AGXT2: variants seen among roughly 807,000 people sequenced by gnomAD.
The protein encoded by AGXT2 is alanine--glyoxylate aminotransferase 2, mitochondrial.
In AGXT2, 61 loss-of-function variants were observed where a neutral mutation model predicts 62.5. That is an observed-to-expected ratio of 0.98 (90% CI 0.79 to 1.21). AGXT2 has a LOEUF of 1.21. Ranked by LOEUF, AGXT2 falls within the 50% of genes most tolerant of loss-of-function variation. AGXT2 has a pLI of 0.00. For missense variants in AGXT2, 666 were observed against 641.5 expected, an observed-to-expected ratio of 1.04 and a Z score of -0.41; for synonymous variants, 243 against 218.7, an observed-to-expected ratio of 1.11 and a Z score of -0.98.
In AGXT2 at chr5:35,003,616, CAT is replaced by C. The variant is rs990078712; in HGVS notation, c.1437+145_1437+146del. The stretch of plus-strand genomic sequence containing the variant: ...GTACCCGAGCTTCATCCCTAGATGA[CAT>C]GTGGCTGGGTACCTCGGCACAGTTG... On this transcript the variant is annotated intron_variant, in intron 13 of 13. Transcript: ENST00000231420. The C allele has an allele frequency of 9.3e-6, 7 of 753,324 alleles. No homozygotes were observed. The African/African-American group carries it at 1.2e-4, about 13-fold the overall frequency. The allele number at this position is 753,324 out of a possible 1,614,324, so 46.7% of individuals were successfully genotyped here.
Position 35,025,867 on chromosome 5 carries a change from C to G in AGXT2, c.871-12G>C, listed in dbSNP as rs759245348. 6.2e-7 allele frequency: 1 copy of G among 1,612,726 alleles called. No homozygotes were observed. Among genetic ancestry groups the G allele is most frequent in the Non-Finnish European group, 8.5e-7 (1 of 1,178,750 alleles). ...ACTCCATTCACACCCTGCAAAAGAC[C>G]AGACCAAGAAGACCTATAATAATAG... On this transcript the variant is annotated splice_polypyrimidine_tract_variant and intron_variant, in intron 8 of 13. Transcript: ENST00000231420.
chr5:35,025,643 A>C, intron 9 of AGXT2, 120 bp downstream of exon 9: 2 of 1,018,538 alleles, frequency 2.0e-6, no homozygotes, highest in Non-Finnish European at 3.0e-6. Flanking sequence ...ATTTGTAGGC[A>C]AACTTTGGAA....
intron 5 of AGXT2, among the ~76,000 whole-genome samples, chr5:35,034,846 T>A (rs1288381930): frequency 6.6e-6 from 1 of 152,166 alleles, no homozygotes; most frequent in Non-Finnish European, 1.5e-5. Flanking sequence ...TAGGCCGGTA[T>A]TTTTTGGTAG....
Position 35,032,802 on chromosome 5 carries a change from A to G in AGXT2, c.699T>C (p.Arg233=), listed in dbSNP as rs901853479. The change falls in exon 7 of 14, where the codon CGT becomes CGC. Residue 233 remains arginine (R), a synonymous_variant. Coordinates refer to ENST00000231420, the MANE Select transcript of AGXT2 (RefSeq NM_031900.4). Reference sequence around the variant, plus strand: ...GACAGTGGCTTCCTCCCCAAGGGCCACGAAAAACATCTGGACACATTGTCT... The same window carrying G: ...GACAGTGGCTTCCTCCCCAAGGGCCGCGAAAAACATCTGGACACATTGTCT... The part of the protein sequence containing the change: ...CQPTMCPDVF[R]GPWGGSHCRD... 1.2e-6 allele frequency: 2 copies of G among 1,607,128 alleles called. No individual in the cohort carries two copies. The highest frequency in any genetic ancestry group is 3.4e-5 in the Admixed American group (2 of 59,242).
At chr5:35,029,754 G>T (rs1289697557) in intron 7 of AGXT2, among the ~76,000 whole-genome samples, 1 of 152,206 alleles carries the variant, frequency 6.6e-6, no homozygotes, top group Non-Finnish European at 1.5e-5. Flanking sequence ...CATTGTGGGG[G>T]CAGTAGGTGA....
At chr5:35,025,899 C>G in intron 8 of AGXT2, 44 bp from the exon 9 acceptor site, 1 of 1,546,654 alleles carries the variant, frequency 6.5e-7, no homozygotes, top group Non-Finnish European at 8.9e-7. Context: ...ATAGCATCAG[C>G]CCTTTCAAAG....
rs1196182862 is a variant in AGXT2 at position 35,021,678 on chromosome 5, C to G, written c.963+4085G>C. On this transcript the variant is annotated intron_variant, in intron 9 of 13. Coordinates refer to ENST00000231420, the MANE Select transcript of AGXT2 (RefSeq NM_031900.4). ...ACAGGCATGGGCAAGGACTTCATGTCTAAAACGCCAAAAGCAATGGCAACA... is the reference window on the plus strand; with the variant it reads ...ACAGGCATGGGCAAGGACTTCATGTGTAAAACGCCAAAAGCAATGGCAACA... 4.6e-5 allele frequency among the ~76,000 whole-genome samples: 7 copies of G among 152,278 alleles called. No individual in the cohort carries two copies. The East Asian group carries it at 1.4e-3, about 29-fold the overall frequency.
At chr5:35,013,714 C>T (rs959150814) in intron 10 of AGXT2, among the ~76,000 whole-genome samples, 1 of 146,770 alleles carries the variant, frequency 6.8e-6, no homozygotes, top group Admixed American at 7.0e-5. Flanking sequence ...CCTGCGGAGG[C>T]AGAGGGTGCA....
At position 34,998,241 on chromosome 5, in the gene AGXT2, TCCTCATGA is replaced by T. The variant is rs1332806284; in HGVS notation, c.*470_*477del. 1 of 184,768 alleles carries T rather than the reference TCCTCATGA, an allele frequency of 5.4e-6. No individual in the cohort carries two copies. The highest frequency in any genetic ancestry group is 2.4e-5 in the African/African-American group (1 of 42,048). 11.4% of individuals were successfully genotyped at this position (184,768 alleles called of 1,614,324 possible). On this transcript the variant is annotated 3_prime_UTR_variant, in exon 14 of 14. Transcript: ENST00000231420. ...CTTCCAACCTCACCAAAAAGGGTTG[TCCTCATGA>T]CTACAAGCCGGCTGACATGGTGCCA...
chr5:35,006,676 C>G (rs2112176555), intron 12 of AGXT2, among the ~76,000 whole-genome samples: 1 of 152,320 alleles, frequency 6.6e-6, no homozygotes, highest in East Asian at 1.9e-4. Context: ...GACAAACATT[C>G]AAACCATGTC....
chr5:35,047,855 C>T lies in AGXT2; in HGVS notation c.38G>A (p.Cys13Tyr). 6.2e-7 allele frequency: 1 copy of T among 1,614,092 alleles called. No homozygotes were observed. Among genetic ancestry groups the T allele is most frequent in the Non-Finnish European group, 8.5e-7 (1 of 1,180,004 alleles). Residue 13 changes from cysteine (C) to tyrosine (Y), a missense_variant, in exon 1 of 14, where the codon TGC (cysteine) becomes TAC (tyrosine). By Grantham distance (194) the Cys-to-Tyr change is radical. Coordinates refer to ENST00000231420, the MANE Select transcript of AGXT2 (RefSeq NM_031900.4). ...LIWRHLLRPL[C>Y]LVTSAPRILE... Reference sequence around the variant, plus strand: ...GATCCTGGGAGCGGAAGTGACCAGGCACAAGGGTCTCAGCAAATGTCTCCA... The same window carrying T: ...GATCCTGGGAGCGGAAGTGACCAGGTACAAGGGTCTCAGCAAATGTCTCCA...
chr5:35,033,893 C>T lies in AGXT2; in HGVS notation c.582-340G>A, dbSNP rs147984178. ...TGTATGTTCAATGAATACCAGTCTT[C>T]GAAGTAGTCGCTTTGGGAAGCCAAA... On this transcript the variant is annotated intron_variant, in intron 5 of 13. Coordinates refer to ENST00000231420, the MANE Select transcript of AGXT2 (RefSeq NM_031900.4). Among the ~76,000 whole-genome samples, 60 of 152,182 alleles carry T rather than the reference C, an allele frequency of 3.9e-4. No individual in the cohort carries two copies. In the East Asian group the frequency reaches 0.011, roughly 29 times the overall value.
In AGXT2 at chr5:35,040,773, TA is replaced by T. The variant is rs373088817; in HGVS notation, c.89-111del. The T allele has an allele frequency of 2.6e-5, 23 of 871,332 alleles. No individual in the cohort carries two copies. In the East Asian group the frequency reaches 3.2e-4, roughly 12 times the overall value. 54.0% of individuals were successfully genotyped at this position (871,332 alleles called of 1,614,324 possible). On this transcript the variant is annotated intron_variant, in intron 1 of 13. Coordinates refer to ENST00000231420, the MANE Select transcript of AGXT2 (RefSeq NM_031900.4). ...TGCTTAGATAATTTTATTTCTTAGT[TA>T]AAAAATCATGCTAATCAGCTTTTAG...
chr5:35,007,097 G>C (rs1162990602), intron 12 of AGXT2, among the ~76,000 whole-genome samples: 1 of 152,100 alleles, frequency 6.6e-6, no homozygotes, highest in East Asian at 1.9e-4. Context: ...AGGTGATTAG[G>C]TTACAAGAGT....
chr5:35,018,555 A>C (rs1766940993), intron 9 of AGXT2, among the ~76,000 whole-genome samples: 1 of 152,136 alleles, frequency 6.6e-6, no homozygotes. Flanking sequence ...GCCTGCCCTA[A>C]AAGAGCTCCT....
At chr5:35,000,420 G>T (rs163838) in intron 13 of AGXT2, among the ~76,000 whole-genome samples, 1 of 151,802 alleles carries the variant, frequency 6.6e-6, no homozygotes, top group Non-Finnish European at 1.5e-5. Context: ...TCACTCTGTC[G>T]CTCAGGCTGG....
At chr5:35,025,645 A>G in intron 9 of AGXT2, 118 bp downstream of exon 9, 2 of 1,030,834 alleles carry the variant, frequency 1.9e-6, no homozygotes, top group South Asian at 2.7e-5. Flanking sequence ...TTGTAGGCAA[A>G]CTTTGGAATT....
rs1325596768 is a variant in AGXT2, at chr5:35,003,547, C to T, written c.1437+216G>A. Among the ~76,000 whole-genome samples, 3 of 151,930 alleles carry T rather than the reference C, an allele frequency of 2.0e-5. No homozygotes were observed. In the East Asian group the frequency reaches 5.8e-4, roughly 29 times the overall value. ...ACCAAACCATTTTCACTCAGCGCCC[C>T]CTAGTGGCCTGAGAGCTGCACTGTC... On this transcript the variant is annotated intron_variant, in intron 13 of 13. Transcript: ENST00000231420.
chr5:35,003,611 G>T, intron 13 of AGXT2, 152 bp downstream of exon 13: 1 of 725,704 alleles, frequency 1.4e-6, no homozygotes, highest in Non-Finnish European at 2.4e-6. Context: ...TTCATCCCTA[G>T]ATGACATGTG....
Sources: gnomAD v4.1 joint callset for allele counts (sites outside exome capture counted in the v4.1 genomes callset) on GRCh38, gnomAD v4.1.1 for gene constraint, MANE v1.5 for transcripts, NCBI Gene and HGNC (gene_info 2026-07-23, HGNC 2026-07-21) for gene names.